FNDC8: variants seen among roughly 807,000 people sequenced by gnomAD.
FNDC8 encodes the protein fibronectin type III domain containing 8.
A neutral mutation model predicts 24.8 loss-of-function variants in FNDC8; 23 were observed. The ratio of observed to expected loss-of-function variants is 0.93; its 90% CI spans 0.67 to 1.31. The LOEUF is 1.31. FNDC8 is among the 40% of genes most tolerant of loss of function. The pLI, the probability that FNDC8 is intolerant of heterozygous loss-of-function variation, is 0.00. For missense variants in FNDC8, 371 were observed against 398.2 expected, an observed-to-expected ratio of 0.93 and a Z score of 0.58; for synonymous variants, 158 against 165.3, an observed-to-expected ratio of 0.96 and a Z score of 0.34.
chr17:35,121,726 T>C lies in FNDC8; in HGVS notation c.33T>C (p.Asp11=), dbSNP rs762436604. Residue 11 remains aspartate, a synonymous_variant, in exon 1 of 4, where the codon GAT becomes GAC. Coordinates refer to ENST00000158009, the MANE Select transcript of FNDC8 (RefSeq NM_017559.4). MASEALHQVG[D]GEEAVLKKEN... Reference sequence around the variant, plus strand: ...CAGAGGCACTCCATCAAGTGGGAGATGGGGAGGAGGCTGTACTGAAGAAAG... The same window carrying C: ...CAGAGGCACTCCATCAAGTGGGAGACGGGGAGGAGGCTGTACTGAAGAAAG... The C allele has an allele frequency of 1.3e-5, 21 of 1,613,820 alleles. No homozygotes were observed. The highest frequency in any genetic ancestry group is 4.5e-5 in the East Asian group (2 of 44,866).
At chr17:35,122,271 G>A (rs1227168556) in intron 1 of FNDC8, among the ~76,000 whole-genome samples, 8 of 140,272 alleles carry the variant, frequency 5.7e-5, no homozygotes, top group African/African-American at 1.9e-4. Context: ...TGAACTTCCG[G>A]GCTCAAGCGA....
intron 1 of FNDC8, among the ~76,000 whole-genome samples, chr17:35,126,475 A>C (rs76107323): frequency 0.019 from 2,889 of 148,366 alleles, 94 homozygotes; most frequent in African/African-American, 0.068. Flanking sequence ...TTTGCAGAAC[A>C]CTTGCATCAG....
intron 1 of FNDC8, among the ~76,000 whole-genome samples, chr17:35,122,195 TA>T (rs2091831345): frequency 1.5e-4 from 3 of 20,400 alleles, no homozygotes; most frequent in African/African-American, 7.7e-4. Flanking sequence ...TATATATATA[TA>T]TATATATATA....
At chr17:35,121,979 CTTCCTTCCTTT>C in intron 1 of FNDC8, 77 bp downstream of exon 1, 1 of 988,734 alleles carries the variant, frequency 1.0e-6, no homozygotes, top group Non-Finnish European at 1.4e-6. Context: ...CCCTTCCTTC[CTTCCTTCCTTT>C]TTTTTTTTTT....
intron 3 of FNDC8, chr17:35,129,867 G>A (rs1012670781): frequency 1.5e-5 from 21 of 1,418,362 alleles, no homozygotes; most frequent in Admixed American, 8.7e-5. Flanking sequence ...GAATGCAAAC[G>A]AATGTATTTT....
chr17:35,127,450 G>C (rs2091854130), intron 2 of FNDC8, 33 bp downstream of exon 2: 1 of 1,512,190 alleles, frequency 6.6e-7, no homozygotes, highest in East Asian at 2.3e-5. Context: ...TTCAGCAGAG[G>C]CTTATTGTGC....
intron 1 of FNDC8, among the ~76,000 whole-genome samples, chr17:35,123,907 C>G (rs2091839743): frequency 6.6e-6 from 1 of 152,208 alleles, no homozygotes; most frequent in South Asian, 2.1e-4. Context: ...GCTTCAGTAC[C>G]AGCATTTGCA....
Position 35,121,897 on chromosome 17 carries a change from C to T in FNDC8, c.204C>T (p.Asn68=). The T allele has an allele frequency of 2.5e-6, 4 of 1,612,854 alleles. No homozygotes were observed. The highest frequency in any genetic ancestry group is 3.4e-6 in the Non-Finnish European group (4 of 1,179,542). The change falls in exon 1 of 4, where the codon AAC becomes AAT. Residue 68 remains asparagine (N), a synonymous_variant. Transcript: ENST00000158009. ...LVNFLEDDTI[N]LLKPLPVEDS... is the part of the protein sequence containing the mutation. ...ACTTCTTGGAGGATGATACCATCAA[C>T]CTACTGTAAGTCACAAATCTGGTCC...
intron 1 of FNDC8, among the ~76,000 whole-genome samples, chr17:35,123,790 C>T (rs1289270184): frequency 6.6e-6 from 1 of 152,060 alleles, no homozygotes; most frequent in Non-Finnish European, 1.5e-5. Flanking sequence ...GGACCCTCAG[C>T]CCCTTGTTTG....
Position 35,130,327 on chromosome 17 carries a change from C to T in FNDC8, c.868C>T (p.Pro290Ser), listed in dbSNP as rs1191792142. 6.2e-7 allele frequency: 1 copy of T among 1,613,982 alleles called. No individual in the cohort carries two copies. Among genetic ancestry groups the T allele is most frequent in the Non-Finnish European group, 8.5e-7 (1 of 1,179,996 alleles). ...TDFSSFPENY[P>S]IQITVRRKEP... The stretch of plus-strand genomic sequence containing the variant: ...CTTCAGCAGCTTTCCTGAGAACTAC[C>T]CCATCCAGATCACCGTGCGGCGCAA... Residue 290 changes from proline (P) to serine (S), a missense_variant, in exon 4 of 4, where the codon CCC becomes TCC. Transcript: ENST00000158009.
chr17:35,124,046 G>A (rs1159742951), intron 1 of FNDC8, among the ~76,000 whole-genome samples: 4 of 152,246 alleles, frequency 2.6e-5, no homozygotes, highest in Non-Finnish European at 1.5e-5. Context: ...CCAAGCGCTA[G>A]CATAGGGGAT....
rs1304245629 is a variant in FNDC8, at chr17:35,121,943, C to T, written c.209+41C>T. ...GGTCCCTCCCTCCCTCCCTCCCTCC[C>T]TCCCTTCCTTCCTCCCTTCCTTCCT... On this transcript the variant is annotated intron_variant, in intron 1 of 3. Coordinates refer to ENST00000158009, the MANE Select transcript of FNDC8 (RefSeq NM_017559.4). 6 of 1,399,254 alleles carry T rather than the reference C, an allele frequency of 4.3e-6. No homozygotes were observed. In the African/African-American group the frequency reaches 7.5e-5, roughly 18 times the overall value. The allele number at this position is 1,399,254 out of a possible 1,614,324, so 86.7% of individuals were successfully genotyped here. A position where few individuals can be genotyped will look rare whatever the true frequency, so the allele number is the denominator to read the frequency against.
At chr17:35,127,653 C>T (rs181050923) in intron 2 of FNDC8, among the ~76,000 whole-genome samples, 5 of 152,280 alleles carry the variant, frequency 3.3e-5, no homozygotes, top group Admixed American at 2.0e-4. Context: ...TTTCCAGATG[C>T]GGGAATAAGC....
chr17:35,130,126 C>T lies in FNDC8; in HGVS notation c.823-156C>T, dbSNP rs935900407. On this transcript the variant is annotated intron_variant, in intron 3 of 3. Transcript: ENST00000158009. ...TGAGGAGGTACAGGCTTGAGTCATGCATCTTTGCACCTGTTTCCTGCGTCA... is the reference window on the plus strand; with the variant it reads ...TGAGGAGGTACAGGCTTGAGTCATGTATCTTTGCACCTGTTTCCTGCGTCA... 1.2e-5 allele frequency: 18 copies of T among 1,441,238 alleles called. No homozygotes were observed. In the Middle Eastern group the frequency reaches 6.0e-4, roughly 48 times the overall value. The allele number at this position is 1,441,238 out of a possible 1,614,324, so 89.3% of individuals were successfully genotyped here.
At chr17:35,129,024 G>C (rs1256615923) in intron 2 of FNDC8, 1 of 189,550 alleles carries the variant, frequency 5.3e-6, no homozygotes, top group African/African-American at 2.3e-5. Context: ...ACAGGAGGCA[G>C]AGCTCAGGTG....
intron 1 of FNDC8, among the ~76,000 whole-genome samples, chr17:35,125,697 C>T (rs559593281): frequency 2.0e-5 from 3 of 152,156 alleles, no homozygotes; most frequent in Non-Finnish European, 2.9e-5. Context: ...TTACTGTACT[C>T]ATTACTTGTC....
At chr17:35,121,986 CCTTTT>C (rs1347243631) in intron 1 of FNDC8, 84 bp downstream of exon 1, 60 of 835,862 alleles carry the variant, frequency 7.2e-5, no homozygotes, top group Middle Eastern at 3.0e-4. Context: ...TTCCTTCCTT[CCTTTT>C]TTTTTTTTTT....
chr17:35,129,788 A>G (rs1406192611), intron 3 of FNDC8, 130 bp downstream of exon 3: 1 of 1,454,352 alleles, frequency 6.9e-7, no homozygotes, highest in Admixed American at 2.7e-5. Flanking sequence ...TGCCTGGGTC[A>G]AGAAGCATCA....
Position 35,129,340 on chromosome 17 carries a change from G to A in FNDC8, c.586-82G>A, listed in dbSNP as rs3736144. On this transcript the variant is annotated intron_variant, in intron 2 of 3. Transcript: ENST00000158009. ...CAGGAGCAGGGGATGGGCATGGGAC[G>A]TCCTGACCCCAGTTGGGAGGGTGAA... 21 of 1,546,066 alleles carry A rather than the reference G, an allele frequency of 1.4e-5. No homozygotes were observed. The East Asian group carries it at 2.9e-4, about 22-fold the overall frequency.
Sources: gnomAD v4.1 joint callset for allele counts (sites outside exome capture counted in the v4.1 genomes callset) on GRCh38, gnomAD v4.1.1 for gene constraint, MANE v1.5 for transcripts, NCBI Gene and HGNC (gene_info 2026-07-23, HGNC 2026-07-21) for gene names.